PHKA1: variants seen among roughly 807,000 people sequenced by gnomAD.
The protein encoded by PHKA1 is phosphorylase kinase regulatory subunit alpha 1.
A neutral mutation model predicts 110.2 loss-of-function variants in PHKA1; 60 were observed. The observed-to-expected ratio is 0.54, with a 90% CI of 0.44 to 0.68. The LOEUF is 0.68. Among genes scored for constraint, PHKA1 ranks in the 30% least tolerant of loss-of-function variants. The pLI is 0.00. For synonymous variants in PHKA1, 316 were observed against 333.6 expected (o/e 0.95, Z 0.58); for missense variants, 801 against 942.5 (o/e 0.85, Z 1.97).
chrX:72,704,217 G>A (rs1556331248), intron 3 of PHKA1, among the ~76,000 whole-genome samples: 1 of 111,935 alleles, frequency 8.9e-6, no homozygotes, highest in Non-Finnish European at 1.9e-5. Flanking sequence ...GCAAGGAGAT[G>A]CAAATTCAAG....
At chrX:72,710,892 C>T (rs1315877165) in intron 2 of PHKA1, among the ~76,000 whole-genome samples, 3 of 102,232 alleles carry the variant, frequency 2.9e-5, no homozygotes, top group East Asian at 3.0e-4. Context: ...GACGGAGTCT[C>T]GCTCTGTCGC....
At chrX:72,663,388 G>A (rs1396226996) in intron 8 of PHKA1, among the ~76,000 whole-genome samples, 1 of 109,904 alleles carries the variant, frequency 9.1e-6, no homozygotes, top group African/African-American at 3.3e-5. Flanking sequence ...ACACCATAAA[G>A]CAAACAAATA....
intron 30 of PHKA1, 72 bp from the exon 31 acceptor site, chrX:72,582,670 A>C: frequency 1.5e-6 from 1 of 683,531 alleles, no homozygotes; most frequent in South Asian, 2.3e-5. Context: ...CTGCTCTGAA[A>C]GGCAGTAAAA....
rs1556301388 is a variant in PHKA1, at chrX:72,656,182, C to G, written c.979G>C (p.Glu327Gln). The G allele has an allele frequency of 6.6e-6, 8 of 1,209,316 alleles. No homozygotes were observed. The highest frequency in any genetic ancestry group is 9.0e-6 in the Non-Finnish European group (8 of 893,047). ...AAGTATGTCCAGAACAATGGCCATT[C>G]ACACTCAATGTTTTCAAATAGCTTC... ...ELKLFENIEC[E>Q]WPLFWTYFIL... Residue 327 changes from glutamate to glutamine, a missense_variant, in exon 10 of 32, where the codon GAA becomes CAA. Glu to Gln is a conservative substitution (Grantham distance 29). Around this residue, in one of 2 missense-constraint regions of PHKA1, gnomAD observed 299 missense variants for 423.3 expected, o/e 0.71. Transcript: ENST00000373542.
intron 14 of PHKA1, among the ~76,000 whole-genome samples, chrX:72,642,247 G>A (rs1367610012): frequency 1.8e-5 from 2 of 111,704 alleles, no homozygotes; most frequent in Non-Finnish European, 3.8e-5. Flanking sequence ...TGTGAGGCAG[G>A]CAGATTCCAT....
intron 16 of PHKA1, among the ~76,000 whole-genome samples, chrX:72,630,641 T>C (rs1408856179): frequency 1.8e-5 from 2 of 111,124 alleles, no homozygotes; most frequent in African/African-American, 6.5e-5. Context: ...TGGTTTCTGA[T>C]GATAAATTTG....
intron 5 of PHKA1, among the ~76,000 whole-genome samples, chrX:72,682,115 C>T (rs868982626): frequency 4.6e-4 from 31 of 67,731 alleles, no homozygotes; most frequent in East Asian, 2.3e-3. Flanking sequence ...CCGCCCCGTC[C>T]GGGAGGTGAG....
intron 23 of PHKA1, among the ~76,000 whole-genome samples, chrX:72,608,129 G>A (rs997675414): frequency 5.4e-5 from 6 of 111,542 alleles, no homozygotes; most frequent in African/African-American, 2.0e-4. Flanking sequence ...CCCAAGGGCT[G>A]TTTAGTCAGC....
chrX:72,702,868 T>C (rs1422975101), intron 3 of PHKA1, among the ~76,000 whole-genome samples: 2 of 111,677 alleles, frequency 1.8e-5, no homozygotes, highest in Non-Finnish European at 3.8e-5. Flanking sequence ...ATCACAGAGA[T>C]AGATGCATAT....
intron 2 of PHKA1, among the ~76,000 whole-genome samples, chrX:72,710,840 AT>A (rs1201811776): frequency 0.016 from 1,289 of 78,730 alleles, 16 homozygotes; most frequent in African/African-American, 0.038. Context: ...TTATTTTTTT[AT>A]TTTTTTTTTT....
Position 72,582,526 on chromosome X carries a change from G to A in PHKA1, c.3370C>T (p.Arg1124Cys), listed in dbSNP as rs2052352502. ...AGGATGGCTTCAACCAGCAGCTGAC[G>A]GTACTCTGGCTGAGGTACACGATTC... ...VLNRVPQPEY[R>C]QLLVEAILVL... Residue 1124 changes from arginine to cysteine, a missense_variant, in exon 31 of 32, where the codon CGT becomes TGT. By Grantham distance (180) the Arg-to-Cys change is radical. Coordinates refer to ENST00000373542, the MANE Select transcript of PHKA1 (RefSeq NM_002637.4). The A allele has an allele frequency of 8.3e-7, 1 of 1,201,387 alleles. No homozygotes were observed. The highest frequency in any genetic ancestry group is 1.1e-6 in the Non-Finnish European group (1 of 886,090).
At chrX:72,602,630 G>A (rs2052672654) in intron 26 of PHKA1, among the ~76,000 whole-genome samples, 2 of 111,875 alleles carry the variant, frequency 1.8e-5, no homozygotes, top group Non-Finnish European at 3.8e-5. Context: ...CATGAGAGAT[G>A]ACCACTTTTC....
intron 14 of PHKA1, among the ~76,000 whole-genome samples, chrX:72,638,100 G>C (rs950322421): frequency 9.0e-6 from 1 of 111,350 alleles, no homozygotes; most frequent in Non-Finnish European, 1.9e-5. Context: ...CTATAAGTTT[G>C]CTGAATTTGT....
chrX:72,668,231 C>T (rs1215541224), intron 6 of PHKA1, among the ~76,000 whole-genome samples: 1 of 111,901 alleles, frequency 8.9e-6, no homozygotes, highest in Non-Finnish European at 1.9e-5. Context: ...CTAGCACAAA[C>T]CATGGCATAC....
intron 17 of PHKA1, among the ~76,000 whole-genome samples, chrX:72,624,285 G>A (rs2053021265): frequency 8.9e-6 from 1 of 111,776 alleles, no homozygotes; most frequent in African/African-American, 3.3e-5. Flanking sequence ...ACCAGAAGCA[G>A]AGTTCAGGAA....
intron 21 of PHKA1, among the ~76,000 whole-genome samples, chrX:72,612,978 C>T (rs1437538191): frequency 9.0e-6 from 1 of 110,613 alleles, no homozygotes; most frequent in Non-Finnish European, 1.9e-5. Context: ...CTGTAGGTAA[C>T]CTCAGCTGAG....
At position 72,653,437 on chromosome X, in the gene PHKA1, T is replaced by C. The variant is rs1556299868; in HGVS notation, c.1135A>G (p.Arg379Gly). Residue 379 changes from arginine (R) to glycine (G), a missense_variant and splice_region_variant, in exon 11 of 32, where the codon AGG becomes GGG. Arg to Gly is a moderately radical substitution (Grantham distance 125, BLOSUM62 -2). Around this residue, in one of 2 missense-constraint regions of PHKA1, gnomAD observed 299 missense variants for 423.3 expected, o/e 0.71. Transcript: ENST00000373542. ...TGTTATGGCACTGTCTGACTCACCCTGTCAGGAGGAACACTGTACAGCTCT... is the reference window on the plus strand; with the variant it reads ...TGTTATGGCACTGTCTGACTCACCCCGTCAGGAGGAACACTGTACAGCTCT... ...LPELYSVPPD[R>G]VDEEYQNPHT... 1.7e-6 allele frequency: 2 copies of C among 1,189,819 alleles called. No individual in the cohort carries two copies. Among genetic ancestry groups the C allele is most frequent in the African/African-American group, 3.5e-5 (2 of 56,708 alleles).
intron 14 of PHKA1, among the ~76,000 whole-genome samples, chrX:72,638,113 A>G (rs2053250248): frequency 8.9e-6 from 1 of 111,762 alleles, no homozygotes. Flanking sequence ...GAATTTGTTT[A>G]TTAGTTCTCA....
chrX:72,713,700 A>ACACACC lies in PHKA1; in HGVS notation c.78+102_78+103insGGTGTG, dbSNP rs1227758107. The stretch of plus-strand genomic sequence containing the variant: ...CACACACACACACACACACACACAC[A>ACACACC]CCCACACACGCACGCACGCACGGAG... On this transcript the variant is annotated intron_variant, in intron 1 of 31. Coordinates refer to ENST00000373542, the MANE Select transcript of PHKA1 (RefSeq NM_002637.4). The ACACACC allele has an allele frequency of 2.9e-4, 178 of 619,485 alleles. No homozygotes were observed. In the Middle Eastern group the frequency reaches 3.3e-3, roughly 12 times the overall value. The allele number at this position is 619,485 out of a possible 1,213,427, so 51.1% of individuals were successfully genotyped here.
Sources: gnomAD v4.1 joint callset for allele counts (sites outside exome capture counted in the v4.1 genomes callset) on GRCh38, gnomAD v4.1.1 for gene constraint, gnomAD v4.1.1 regional missense constraint, MANE v1.5 for transcripts, NCBI Gene and HGNC (gene_info 2026-07-23, HGNC 2026-07-21) for gene names.